GALNT17: variants seen among roughly 807,000 people sequenced by gnomAD.
GALNT17 encodes the protein UDP-GalNAc:polypeptide N-acetylgalactosaminyltransferase-like 3.
Under a neutral mutation model 63.7 loss-of-function variants are expected in GALNT17, and 29 were observed. That is an observed-to-expected ratio of 0.46 (90% CI 0.34 to 0.62). The LOEUF (loss-of-function observed/expected upper bound fraction) is 0.62, where lower values mean the gene tolerates loss of function less well. Among genes scored for constraint, GALNT17 ranks in the 20% least tolerant of loss-of-function variants. The pLI, the probability that GALNT17 is intolerant of heterozygous loss-of-function variation, is 0.01. For synonymous variants in GALNT17, 305 were observed against 318.3 expected (o/e 0.96, Z 0.45); for missense variants, 603 against 799.6 (o/e 0.75, Z 2.97).
chr7:71,598,169 C>G (rs886395480), intron 6 of GALNT17, among the ~76,000 whole-genome samples: 2 of 152,202 alleles, frequency 1.3e-5, no homozygotes, highest in African/African-American at 2.4e-5. Flanking sequence ...GTCTCGAACT[C>G]CTGACCTTGT....
chr7:71,274,821 A>G (rs766926244), intron 1 of GALNT17, among the ~76,000 whole-genome samples: 1 of 152,216 alleles, frequency 6.6e-6, no homozygotes, highest in African/African-American at 2.4e-5. Context: ...GTCTGGGCAG[A>G]CAGGAAAACT....
intron 6 of GALNT17, 77 bp from the exon 7 acceptor site, chr7:71,665,334 A>G (rs1790967654): frequency 6.9e-7 from 1 of 1,451,638 alleles, no homozygotes. Flanking sequence ...CAGCTGAACC[A>G]TTGCTTTTGG....
chr7:71,286,086 A>C (rs191864463), intron 1 of GALNT17, among the ~76,000 whole-genome samples: 1 of 152,292 alleles, frequency 6.6e-6, no homozygotes, highest in East Asian at 1.9e-4. Context: ...CACAAGGAAA[A>C]CTGGGCATTC....
intron 9 of GALNT17, among the ~76,000 whole-genome samples, chr7:71,683,313 C>G (rs1413413029): frequency 6.6e-6 from 1 of 152,098 alleles, no homozygotes; most frequent in Admixed American, 6.6e-5. Flanking sequence ...CAAAGCTCCC[C>G]CACTTCCCAA....
chr7:71,637,575 G>T (rs1431728450), intron 6 of GALNT17, among the ~76,000 whole-genome samples: 1 of 151,462 alleles, frequency 6.6e-6, no homozygotes, highest in African/African-American at 2.4e-5. Context: ...AGAACCAGAA[G>T]AACAGAAGCC....
intron 2 of GALNT17, among the ~76,000 whole-genome samples, chr7:71,367,929 T>C (rs60204871): frequency 0.019 from 2,849 of 151,908 alleles, 102 homozygotes; most frequent in African/African-American, 0.065. Flanking sequence ...CACAGAGAAC[T>C]AGCAGGTCAC....
chr7:71,371,372 T>C (rs1296306114), intron 2 of GALNT17, among the ~76,000 whole-genome samples: 3 of 152,360 alleles, frequency 2.0e-5, no homozygotes, highest in Non-Finnish European at 4.4e-5. Context: ...CATTTCATTG[T>C]TTTTTACTTT....
intron 1 of GALNT17, among the ~76,000 whole-genome samples, chr7:71,226,161 C>CT (rs1358466244): frequency 6.6e-6 from 1 of 152,202 alleles, no homozygotes; most frequent in Non-Finnish European, 1.5e-5. Context: ...AATGAGCTAT[C>CT]TGACACCAGG....
intron 6 of GALNT17, among the ~76,000 whole-genome samples, chr7:71,609,040 C>A (rs1790087593): frequency 6.6e-6 from 1 of 151,942 alleles, no homozygotes; most frequent in African/African-American, 2.4e-5. Context: ...TACAGCCTCC[C>A]AAAGTACTGG....
chr7:71,682,333 T>TCCCCATCTGTCCA (rs71089979), intron 9 of GALNT17, among the ~76,000 whole-genome samples: 15 of 151,678 alleles, frequency 9.9e-5, no homozygotes, highest in Non-Finnish European at 1.9e-4. Context: ...CCCCCCACCC[T>TCCCCATCTGTCCA]CCCCAGCATC....
At chr7:71,189,815 T>G (rs1788917054) in intron 1 of GALNT17, among the ~76,000 whole-genome samples, 1 of 151,246 alleles carries the variant, frequency 6.6e-6, no homozygotes, top group Non-Finnish European at 1.5e-5. Context: ...CCATTTCTTT[T>G]TTTTTTTTTT....
Position 71,660,622 on chromosome 7 carries a change from T to A in GALNT17, c.1081-4789T>A, listed in dbSNP as rs115385862. Among the ~76,000 whole-genome samples, 202 of 152,326 alleles carry A rather than the reference T, an allele frequency of 1.3e-3. 1 individual carries two copies. Among genetic ancestry groups the A allele is most frequent in the African/African-American group, 4.7e-3 (195 of 41,588 alleles). On this transcript the variant is annotated intron_variant, in intron 6 of 10. Transcript: ENST00000333538. ...GTGGTAGAAACATAAACTGGATCGTTCCCTTTAGAGGGTACCCCTTTTGCT... is the reference window on the plus strand; with the variant it reads ...GTGGTAGAAACATAAACTGGATCGTACCCTTTAGAGGGTACCCCTTTTGCT...
intron 2 of GALNT17, among the ~76,000 whole-genome samples, chr7:71,354,588 A>G (rs1026773662): frequency 2.6e-5 from 4 of 152,106 alleles, no homozygotes; most frequent in Non-Finnish European, 5.9e-5. Flanking sequence ...CCATTAGGCT[A>G]TGGTGTATTA....
chr7:71,422,522 C>T (rs565956170), intron 5 of GALNT17, among the ~76,000 whole-genome samples: 8 of 152,198 alleles, frequency 5.3e-5, no homozygotes, highest in African/African-American at 7.2e-5. Flanking sequence ...ATCCCCTTTG[C>T]GGGGCATATG....
intron 5 of GALNT17, among the ~76,000 whole-genome samples, chr7:71,540,626 A>G (rs1375139795): frequency 6.6e-6 from 1 of 152,040 alleles, no homozygotes; most frequent in Non-Finnish European, 1.5e-5. Flanking sequence ...TTTTTCCAAC[A>G]AATGAAGCAA....
At chr7:71,335,881 C>A (rs1563012699) in intron 2 of GALNT17, 148 bp downstream of exon 2, 1 of 667,314 alleles carries the variant, frequency 1.5e-6, no homozygotes, top group Non-Finnish European at 2.2e-6. Context: ...CTTAGTACTC[C>A]TGTTGCATAT....
At chr7:71,151,713 A>G (rs998089748) in intron 1 of GALNT17, among the ~76,000 whole-genome samples, 1 of 152,122 alleles carries the variant, frequency 6.6e-6, no homozygotes, top group Non-Finnish European at 1.5e-5. Context: ...GATTATAATC[A>G]TCCCCTACTT....
At chr7:71,384,701 A>AT (rs777999013) in intron 2 of GALNT17, among the ~76,000 whole-genome samples, 6 of 152,212 alleles carry the variant, frequency 3.9e-5, no homozygotes, top group Non-Finnish European at 7.3e-5. Flanking sequence ...TGAGGCTGTC[A>AT]TTGCATTGTG....
At chr7:71,685,045 C>T (rs1406399730) in intron 9 of GALNT17, among the ~76,000 whole-genome samples, 1 of 152,028 alleles carries the variant, frequency 6.6e-6, no homozygotes, top group Non-Finnish European at 1.5e-5. Flanking sequence ...AAACGAATGT[C>T]CCATATCATT....
Sources: allele counts gnomAD v4.1 joint callset (sites outside exome capture counted in the v4.1 genomes callset), GRCh38; gene constraint gnomAD v4.1.1; transcripts MANE v1.5; gene names NCBI Gene and HGNC (gene_info 2026-07-23, HGNC 2026-07-21).